DPYSL2: variants seen among roughly 807,000 people sequenced by gnomAD.
DPYSL2 encodes the protein dihydropyrimidinase-related protein 2.
Under a neutral mutation model 69.9 loss-of-function variants are expected in DPYSL2, and 13 were observed. The observed-to-expected ratio is 0.19, with a 90% CI of 0.12 to 0.30. The LOEUF (loss-of-function observed/expected upper bound fraction) is 0.30, where lower values mean the gene tolerates loss of function less well. DPYSL2 is among the 10% of genes least tolerant of loss of function. The probability of loss-of-function intolerance (pLI) is 1.00; values close to 1 mark genes in which losing one functional copy is unlikely to be tolerated. For missense variants in DPYSL2, 587 were observed against 918.9 expected (o/e 0.64, Z 4.67); for synonymous variants, 326 against 359.1 (o/e 0.91, Z 1.04).
chr8:26,598,132 ATGTATGGGGG>A lies in DPYSL2; in HGVS notation c.628+14150_628+14159del, dbSNP rs1801907051. Among the ~76,000 whole-genome samples, 1 of 152,082 alleles carries A rather than the reference ATGTATGGGGG, an allele frequency of 6.6e-6. No individual in the cohort carries two copies. The highest frequency in any genetic ancestry group is 2.4e-5 in the African/African-American group (1 of 41,404). ...CTATGGCAGGGCTTGGACAAATTAC[ATGTATGGGGG>A]AGTAGCCCCTTCACCCCAGTTTTGC... On this transcript the variant is annotated intron_variant, in intron 3 of 13. Transcript: ENST00000521913. The surrounding 1 kb of genome is among the most constrained non-coding windows in gnomAD (Gnocchi z 4.2).
chr8:26,582,490 C>T lies in DPYSL2; in HGVS notation c.443+433C>T, dbSNP rs1028064778. Among the ~76,000 whole-genome samples the T allele has an allele frequency of 1.3e-5, 2 of 152,042 alleles. No individual in the cohort carries two copies. The highest frequency in any genetic ancestry group is 3.9e-4 in the East Asian group (2 of 5,194). ...CATCAAGAATCCAAGTTGGAGGGGCCAAAGAAAGATACCAAGTTAATTACT... is the reference window on the plus strand; with the variant it reads ...CATCAAGAATCCAAGTTGGAGGGGCTAAAGAAAGATACCAAGTTAATTACT... On this transcript the variant is annotated intron_variant, in intron 2 of 13. Transcript: ENST00000521913. This position sits in a 1 kb window ranked among gnomAD's most constrained non-coding sequence, Gnocchi z 4.1.
At chr8:26,629,027 C>T (rs535818099) in intron 7 of DPYSL2, among the ~76,000 whole-genome samples, 1 of 152,220 alleles carries the variant, frequency 6.6e-6, no homozygotes, top group Non-Finnish European at 1.5e-5. Flanking sequence ...GGGATCCTTT[C>T]AGACTTGAGG....
At chr8:26,558,817 C>G (rs1441982416) in intron 1 of DPYSL2, among the ~76,000 whole-genome samples, 1 of 152,158 alleles carries the variant, frequency 6.6e-6, no homozygotes, top group East Asian at 1.9e-4. Flanking sequence ...TGTATAAACT[C>G]TGTTGTATCT....
At position 26,585,076 on chromosome 8, in the gene DPYSL2, G is replaced by A. The variant is rs1801570246; in HGVS notation, c.628+1093G>A. On this transcript the variant is annotated intron_variant, in intron 3 of 13. Transcript: ENST00000521913. This position sits in a 1 kb window ranked among gnomAD's most constrained non-coding sequence, Gnocchi z 4.0. The stretch of plus-strand genomic sequence containing the variant: ...ATTTTGTTTTTGAGGAGGTGGGCAA[G>A]CTGCATAGTGGCCCGTCAGATACAT... Among the ~76,000 whole-genome samples, 1 of 152,192 alleles carries A rather than the reference G, an allele frequency of 6.6e-6. No individual in the cohort carries two copies. Among genetic ancestry groups the A allele is most frequent in the Admixed American group, 6.5e-5 (1 of 15,274 alleles).
rs941998781 is a variant in DPYSL2 at position 26,597,460 on chromosome 8, G to C, written c.628+13477G>C. ...GTCTGCTTGGGAAACACCACGGGCAGATGGCATTTTTCTTTTCTTTTCTTT... is the reference window on the plus strand; with the variant it reads ...GTCTGCTTGGGAAACACCACGGGCACATGGCATTTTTCTTTTCTTTTCTTT... On this transcript the variant is annotated intron_variant, in intron 3 of 13. Transcript: ENST00000521913. The surrounding 1 kb of genome is among the most constrained non-coding windows in gnomAD (Gnocchi z 5.2). Among the ~76,000 whole-genome samples the C allele has an allele frequency of 6.6e-6, 1 of 152,238 alleles. No homozygotes were observed. The highest frequency in any genetic ancestry group is 2.4e-5 in the African/African-American group (1 of 41,562).
In DPYSL2 at chr8:26,648,133, G is replaced by A. The variant is rs1416419565; in HGVS notation, c.1596+333G>A. Among the ~76,000 whole-genome samples the A allele has an allele frequency of 1.3e-5, 2 of 152,122 alleles. No homozygotes were observed. Among genetic ancestry groups the A allele is most frequent in the Admixed American group, 1.3e-4 (2 of 15,270 alleles). ...ATAGGTTGGCACAGCACTTCTCATG[G>A]CAGTACTTGGTGCAAGGGACCTCAA... On this transcript the variant is annotated intron_variant, in intron 11 of 13. Transcript: ENST00000521913. The surrounding 1 kb of genome is among the most constrained non-coding windows in gnomAD (Gnocchi z 4.3).
At position 26,655,605 on chromosome 8, in the gene DPYSL2, C is replaced by G. The variant is rs767596427; in HGVS notation, c.1943-10C>G. On this transcript the variant is annotated splice_polypyrimidine_tract_variant and intron_variant, in intron 13 of 13. Coordinates refer to ENST00000521913, the MANE Select transcript of DPYSL2 (RefSeq NM_001197293.3). ...CCCTCACCCGCTCCTCTCTTCTCCT[C>G]TCCCTCCAGGTGCTCAGATTGATGA... is the stretch of plus-strand genomic sequence containing the variant. 1 of 1,596,834 alleles carries G rather than the reference C, an allele frequency of 6.3e-7. No individual in the cohort carries two copies. Among genetic ancestry groups the G allele is most frequent in the Admixed American group, 1.7e-5 (1 of 59,396 alleles).
chr8:26,599,404 A>G (rs1801941691), intron 3 of DPYSL2, among the ~76,000 whole-genome samples: 1 of 152,064 alleles, frequency 6.6e-6, no homozygotes, highest in Non-Finnish European at 1.5e-5. Flanking sequence ...CTCTTCATGT[A>G]TTAGCTTGGC....
chr8:26,578,987 G>A (rs1007551542), intron 1 of DPYSL2, among the ~76,000 whole-genome samples: 4 of 152,148 alleles, frequency 2.6e-5, no homozygotes, highest in African/African-American at 9.7e-5. Flanking sequence ...CCTGTAGTTC[G>A]GGGCTGGGGC....
At chr8:26,649,028 G>A (rs186589584) in intron 11 of DPYSL2, among the ~76,000 whole-genome samples, 1 of 152,152 alleles carries the variant, frequency 6.6e-6, no homozygotes, top group Admixed American at 6.5e-5. Context: ...TTATGGTCAG[G>A]GATCCTAGGG....
At position 26,598,858 on chromosome 8, in the gene DPYSL2, G is replaced by T. The variant is rs1801927204; in HGVS notation, c.628+14875G>T. Among the ~76,000 whole-genome samples the T allele has an allele frequency of 6.6e-6, 1 of 152,160 alleles. No individual in the cohort carries two copies. The highest frequency in any genetic ancestry group is 2.1e-4 in the South Asian group (1 of 4,834). On this transcript the variant is annotated intron_variant, in intron 3 of 13. Transcript: ENST00000521913. The surrounding 1 kb of genome is among the most constrained non-coding windows in gnomAD (Gnocchi z 4.2). ...GTGGGGGAATGAAAGCCCAGAAAGG[G>T]ATGTGGCACTCGGGCAGGACGGGGG... is the stretch of plus-strand genomic sequence containing the variant.
chr8:26,534,224 A>G (rs1202030302), intron 1 of DPYSL2, among the ~76,000 whole-genome samples: 1 of 152,154 alleles, frequency 6.6e-6, no homozygotes, highest in Non-Finnish European at 1.5e-5. Flanking sequence ...TCTGTCACTC[A>G]TGCTGGATTG....
chr8:26,527,182 G>A (rs748272031), intron 1 of DPYSL2, among the ~76,000 whole-genome samples: 40 of 152,164 alleles, frequency 2.6e-4, no homozygotes, highest in Non-Finnish European at 4.7e-4. Flanking sequence ...CTGTTCAACA[G>A]GAGAATGCCC....
chr8:26,603,544 T>A (rs1420276304), intron 3 of DPYSL2, among the ~76,000 whole-genome samples: 1 of 152,218 alleles, frequency 6.6e-6, no homozygotes, highest in African/African-American at 2.4e-5. Context: ...AAGTGGGCAG[T>A]TCAGTGGCAT....
rs1808304438 is a variant in DPYSL2 at position 26,517,210 on chromosome 8, A to G, written c.354+2531A>G. Among the ~76,000 whole-genome samples, 4 of 152,198 alleles carry G rather than the reference A, an allele frequency of 2.6e-5. No individual in the cohort carries two copies. The South Asian group carries it at 8.3e-4, about 32-fold the overall frequency. ...GCACTAAGAGGCCTGCTGTTCCCCT[A>G]ACAAGGCTTTGGGAAGGGAGAGAAT... On this transcript the variant is annotated intron_variant, in intron 1 of 13. Coordinates refer to ENST00000521913, the MANE Select transcript of DPYSL2 (RefSeq NM_001197293.3). This position sits in a 1 kb window ranked among gnomAD's most constrained non-coding sequence, Gnocchi z 4.2.
Position 26,627,408 on chromosome 8 carries a change from T to A in DPYSL2, c.936+113T>A. 1 of 1,095,666 alleles carries A rather than the reference T, an allele frequency of 9.1e-7. No individual in the cohort carries two copies. Among genetic ancestry groups the A allele is most frequent in the Non-Finnish European group, 1.4e-6 (1 of 731,198 alleles). 67.9% of individuals were successfully genotyped at this position (1,095,666 alleles called of 1,614,324 possible). A position where few individuals can be genotyped will look rare whatever the true frequency, so the allele number is the denominator to read the frequency against. On this transcript the variant is annotated intron_variant, in intron 6 of 13. Transcript: ENST00000521913. This position sits in a 1 kb window ranked among gnomAD's most constrained non-coding sequence, Gnocchi z 6.9. ...ACCAAGGTGGAAAAGCAGAGGGACC[T>A]GGTGTTCCCTTGCTGGAGCTCTGCT... is the stretch of plus-strand genomic sequence containing the variant.
chr8:26,577,651 C>T (rs937561140), intron 1 of DPYSL2, among the ~76,000 whole-genome samples: 1 of 150,842 alleles, frequency 6.6e-6, no homozygotes, highest in South Asian at 2.1e-4. Flanking sequence ...CCCCGCGTGG[C>T]CCAGGCCGCG....
chr8:26,611,697 T>G (rs1802233447), intron 3 of DPYSL2, among the ~76,000 whole-genome samples: 1 of 152,246 alleles, frequency 6.6e-6, no homozygotes, highest in African/African-American at 2.4e-5. Flanking sequence ...AAGCTTTGCA[T>G]TGTAACCAAG....
At chr8:26,635,940 G>A (rs1218809717) in intron 8 of DPYSL2, among the ~76,000 whole-genome samples, 2 of 152,176 alleles carry the variant, frequency 1.3e-5, no homozygotes, top group Non-Finnish European at 2.9e-5. Flanking sequence ...AAGGTGGGCT[G>A]TGGGATTTTT....
Sources: gnomAD v4.1 joint callset for allele counts (sites outside exome capture counted in the v4.1 genomes callset) on GRCh38, gnomAD v4.1.1 for gene constraint, Gnocchi (gnomAD v3.1) non-coding constraint, MANE v1.5 for transcripts, NCBI Gene and HGNC (gene_info 2026-07-23, HGNC 2026-07-21) for gene names.